ING3: variants seen among roughly 807,000 people sequenced by gnomAD.
ING3 encodes the protein inhibitor of growth family member 3, also known as inhibitor of growth protein 3.
ING3 carries 6 observed loss-of-function variants against 64.8 expected under a neutral mutation model. The ratio of observed to expected loss-of-function variants is 0.09; its 90% CI spans 0.05 to 0.18. The LOEUF (loss-of-function observed/expected upper bound fraction) is 0.18, where lower values mean the gene tolerates loss of function less well. ING3 is among the 10% of genes least tolerant of loss of function. The probability of loss-of-function intolerance (pLI) is 1.00; values close to 1 mark genes in which losing one functional copy is unlikely to be tolerated. For synonymous variants in ING3, 170 were observed against 173.7 expected (o/e 0.98, Z 0.17); for missense variants, 310 against 489.7 (o/e 0.63, Z 3.46).
At chr7:120,966,808 C>CTT in intron 6 of ING3, 111 bp downstream of exon 6, 1 of 787,092 alleles carries the variant, frequency 1.3e-6, no homozygotes, top group Non-Finnish European at 2.2e-6. Context: ...TAAATCCCTT[C>CTT]TTTTTTTTTC....
intron 3 of ING3, among the ~76,000 whole-genome samples, chr7:120,954,380 C>G (rs112950228): frequency 1.3e-5 from 2 of 151,464 alleles, no homozygotes; most frequent in African/African-American, 4.9e-5. Flanking sequence ...GAGCCTAGAT[C>G]GCGCCACTGC....
intron 2 of ING3, among the ~76,000 whole-genome samples, chr7:120,952,022 T>A (rs530552782): frequency 6.6e-6 from 1 of 152,168 alleles, no homozygotes; most frequent in African/African-American, 2.4e-5. Context: ...CACCCACTTC[T>A]ATACCCTTTG....
chr7:120,966,818 C>A, intron 6 of ING3, 121 bp downstream of exon 6: 1 of 733,700 alleles, frequency 1.4e-6, no homozygotes, highest in Non-Finnish European at 2.4e-6. Context: ...CTTTTTTTTT[C>A]ATTGCAAGTA....
rs1371961967 is a variant in ING3, at chr7:120,976,225, TATATC to T, written c.*1386_*1390del. On this transcript the variant is annotated 3_prime_UTR_variant, in exon 12 of 12. Transcript: ENST00000315870. ...AATCCTTAACTTTTAAGATACTTAA[TATATC>T]ATATATATTTTATATTGAAACTTAC... 2.0e-5 allele frequency: 3 copies of T among 152,204 alleles called. No individual in the cohort carries two copies. Among genetic ancestry groups the T allele is most frequent in the Admixed American group, 1.3e-4 (2 of 15,288 alleles). The allele number at this position is 152,204 out of a possible 1,614,324, so 9.4% of individuals were successfully genotyped here. A position where few individuals can be genotyped will look rare whatever the true frequency, so the allele number is the denominator to read the frequency against.
chr7:120,959,281 G>C (rs1173121343), intron 4 of ING3, among the ~76,000 whole-genome samples: 1 of 152,206 alleles, frequency 6.6e-6, no homozygotes, highest in Non-Finnish European at 1.5e-5. Flanking sequence ...GTAAAGACCT[G>C]TTCTTTCAAA....
intron 1 of ING3, 49 bp from the exon 2 acceptor site, chr7:120,951,115 C>T: frequency 1.3e-6 from 2 of 1,594,900 alleles, no homozygotes; most frequent in African/African-American, 1.3e-5. Flanking sequence ...GACGTAAGCG[C>T]GTATTTCGCC....
chr7:120,963,830 A>G (rs1250143363), intron 4 of ING3, among the ~76,000 whole-genome samples: 2 of 152,186 alleles, frequency 1.3e-5, no homozygotes, highest in Non-Finnish European at 2.9e-5. Context: ...ATCATAGCAC[A>G]TGTTGATATC....
At chr7:120,956,148 C>CT in intron 4 of ING3, 2 of 1,582,560 alleles carry the variant, frequency 1.3e-6, no homozygotes, top group Admixed American at 1.7e-5. Context: ...AAACAAGATT[C>CT]TTTTTTTGCA....
chr7:120,950,972 GC>G (rs1562971047), intron 1 of ING3, 48 bp downstream of exon 1: 5 of 1,587,848 alleles, frequency 3.1e-6, no homozygotes, highest in Non-Finnish European at 4.3e-6. Flanking sequence ...GTGCGGGCGG[GC>G]AAGAGCGCGA....
chr7:120,959,555 A>G (rs909684124), intron 4 of ING3, among the ~76,000 whole-genome samples: 5 of 149,974 alleles, frequency 3.3e-5, no homozygotes, highest in Admixed American at 6.7e-5. Flanking sequence ...TAAATCTCAC[A>G]TGAACCACAC....
intron 11 of ING3, among the ~76,000 whole-genome samples, chr7:120,974,139 A>G (rs114664912): frequency 1.5e-3 from 223 of 152,272 alleles, no homozygotes; most frequent in African/African-American, 4.8e-3. Context: ...TGAGATTTCT[A>G]TGAGTACCAG....
At chr7:120,960,967 C>T (rs1795926142) in intron 4 of ING3, among the ~76,000 whole-genome samples, 2 of 152,166 alleles carry the variant, frequency 1.3e-5, no homozygotes, top group East Asian at 3.8e-4. Flanking sequence ...TTTTAGCAGT[C>T]TCTTGCAGTG....
At chr7:120,972,395 A>T (rs1355245668) in intron 10 of ING3, among the ~76,000 whole-genome samples, 2 of 152,202 alleles carry the variant, frequency 1.3e-5, no homozygotes, top group Non-Finnish European at 2.9e-5. Flanking sequence ...TAGCTGTTCC[A>T]CTATCACCCG....
At chr7:120,970,584 A>G in intron 9 of ING3, 104 bp from the exon 10 acceptor site, 1 of 1,179,668 alleles carries the variant, frequency 8.5e-7, no homozygotes, top group Non-Finnish European at 1.2e-6. Context: ...CTTACACTTT[A>G]ATTTATACAT....
chr7:120,970,911 A>G, intron 10 of ING3, 31 bp downstream of exon 10: 1 of 1,500,798 alleles, frequency 6.7e-7, no homozygotes, highest in Non-Finnish European at 9.3e-7. Context: ...TAAAAGTATA[A>G]TCTGAATAAA....
intron 11 of ING3, among the ~76,000 whole-genome samples, chr7:120,974,491 T>C (rs577546686): frequency 6.6e-6 from 1 of 152,290 alleles, no homozygotes; most frequent in African/African-American, 2.4e-5. Context: ...GGGACTAGAT[T>C]ACATGGACCT....
At chr7:120,959,958 A>T (rs1347714324) in intron 4 of ING3, among the ~76,000 whole-genome samples, 1 of 151,416 alleles carries the variant, frequency 6.6e-6, no homozygotes, top group African/African-American at 2.4e-5. Context: ...CAAACTATTA[A>T]ATAAAGACTA....
chr7:120,959,630 A>ATTTTTTTTTTTTTTTTTTTTTTTTTTT (rs397889009), intron 4 of ING3, among the ~76,000 whole-genome samples: 1 of 55,676 alleles, frequency 1.8e-5, no homozygotes, highest in African/African-American at 7.3e-5. Context: ...ACTTCCTCAC[A>ATTTTTTTTTTTTTTTTTTTTTTTTTTT]TTTTTTTTTT....
At chr7:120,960,289 T>G (rs1227005816) in intron 4 of ING3, among the ~76,000 whole-genome samples, 2 of 152,138 alleles carry the variant, frequency 1.3e-5, no homozygotes, top group Non-Finnish European at 2.9e-5. Context: ...AGGCAGGAGC[T>G]AATGCATGGG....
Sources: allele counts gnomAD v4.1 joint callset (sites outside exome capture counted in the v4.1 genomes callset), GRCh38; gene constraint gnomAD v4.1.1; transcripts MANE v1.5; gene names NCBI Gene and HGNC (gene_info 2026-07-23, HGNC 2026-07-21).